The following PDGFRA variants were observed in gnomAD, a reference collection of about 807,000 sequenced individuals.
PDGFRA encodes the protein platelet-derived growth factor receptor alpha.
PDGFRA carries 25 observed loss-of-function variants against 121.5 expected under a neutral mutation model. That is an observed-to-expected ratio of 0.21 (90% CI 0.15 to 0.29). The LOEUF is 0.29. PDGFRA is among the 10% of genes least tolerant of loss of function. PDGFRA has a pLI of 1.00. For missense variants in PDGFRA, 1,008 were observed against 1,345.1 expected (o/e 0.75, Z 3.92); for synonymous variants, 463 against 494.8 (o/e 0.94, Z 0.85).
At chr4:54,249,845 T>A (rs73151406) in intron 1 of PDGFRA, among the ~76,000 whole-genome samples, 2,864 of 152,138 alleles carry the variant, frequency 0.019, 98 homozygotes, top group African/African-American at 0.066. Flanking sequence ...TATTATTATT[T>A]TTGTAAGTTA....
At chr4:54,278,129 A>T in intron 14 of PDGFRA, 123 bp downstream of exon 14, 2 of 756,696 alleles carry the variant, frequency 2.6e-6, no homozygotes, top group Non-Finnish European at 4.6e-6. Flanking sequence ...AGTCCCTTGA[A>T]TGGAGCTGAC....
In PDGFRA at chr4:54,290,456, T is replaced by C; in HGVS notation, c.3024T>C (p.Asp1008=). Residue 1008 remains aspartate (D), a synonymous_variant, in exon 22 of 23, where the codon GAT becomes GAC. Coordinates refer to ENST00000257290, the MANE Select transcript of PDGFRA (RefSeq NM_006206.6). ...DKLKDWEGGL[D]EQRLSADSGY... ...TGAAGGACTGGGAGGGTGGTCTGGA[T>C]GAGCAGAGACTGAGCGCTGACAGTG... The C allele has an allele frequency of 6.2e-7, 1 of 1,614,032 alleles. No individual in the cohort carries two copies. Among genetic ancestry groups the C allele is most frequent in the Non-Finnish European group, 8.5e-7 (1 of 1,179,898 alleles).
At chr4:54,287,081 T>TTTG (rs1724399532) in intron 18 of PDGFRA, among the ~76,000 whole-genome samples, 1 of 152,200 alleles carries the variant, frequency 6.6e-6, no homozygotes, top group Non-Finnish European at 1.5e-5. Flanking sequence ...GATCATTGGA[T>TTTG]CTGTTCTTAG....
At chr4:54,236,696 G>A (rs1426670049) in intron 1 of PDGFRA, among the ~76,000 whole-genome samples, 9 of 152,004 alleles carry the variant, frequency 5.9e-5, no homozygotes, top group Non-Finnish European at 1.0e-4. Context: ...CCAGCTACTC[G>A]GGAGGCTGAG....
intron 22 of PDGFRA, 83 bp downstream of exon 22, chr4:54,290,637 G>A (rs1724583441): frequency 1.4e-6 from 2 of 1,481,068 alleles, no homozygotes; most frequent in South Asian, 1.1e-5. Context: ...CCCGATAATG[G>A]TGCACTCCCG....
At chr4:54,278,958 A>G (rs1198657556) in intron 15 of PDGFRA, 2 of 429,326 alleles carry the variant, frequency 4.7e-6, no homozygotes, top group African/African-American at 2.0e-5. Flanking sequence ...AAGTGGCTAT[A>G]AAGAACTCTG....
At chr4:54,279,113 C>G in intron 15 of PDGFRA, 1 of 293,532 alleles carries the variant, frequency 3.4e-6, no homozygotes, top group Non-Finnish European at 7.0e-6. Flanking sequence ...AAGTTCCAAC[C>G]AAGGCTTGTG....
intron 14 of PDGFRA, 124 bp from the exon 15 acceptor site, chr4:54,278,238 A>G: frequency 1.5e-6 from 1 of 682,980 alleles, no homozygotes; most frequent in East Asian, 2.8e-5. Context: ...AAAAAAAAAA[A>G]AAAAAAAAAA....
intron 14 of PDGFRA, 55 bp from the exon 15 acceptor site, chr4:54,278,307 G>A (rs2110314135): frequency 1.4e-6 from 2 of 1,449,680 alleles, no homozygotes; most frequent in South Asian, 1.1e-5. Flanking sequence ...GACAATTCAT[G>A]GCTTTTCTGT....
chr4:54,287,166 A>T (rs991792567), intron 18 of PDGFRA, among the ~76,000 whole-genome samples: 1 of 152,204 alleles, frequency 6.6e-6, no homozygotes, highest in Non-Finnish European at 1.5e-5. Flanking sequence ...AAAATTCAGG[A>T]TTAATGTTTT....
chr4:54,269,389 C>T (rs902298742), intron 7 of PDGFRA, among the ~76,000 whole-genome samples: 3 of 152,008 alleles, frequency 2.0e-5, no homozygotes, highest in African/African-American at 2.4e-5. Flanking sequence ...TAATAATACC[C>T]GAGATCTTCT....
chr4:54,233,078 G>T (rs1720785162), intron 1 of PDGFRA, among the ~76,000 whole-genome samples: 1 of 111,134 alleles, frequency 9.0e-6, no homozygotes, highest in Non-Finnish European at 2.0e-5. Context: ...CTCCACACCC[G>T]CCCGGCCCCC....
chr4:54,240,650 G>T (rs940655440), intron 1 of PDGFRA, among the ~76,000 whole-genome samples: 5 of 152,038 alleles, frequency 3.3e-5, no homozygotes, highest in African/African-American at 1.2e-4. Flanking sequence ...AAAATAATTG[G>T]GCTCTCCCTA....
At chr4:54,264,793 C>T in intron 4 of PDGFRA, 126 bp from the exon 5 acceptor site, 1 of 860,140 alleles carries the variant, frequency 1.2e-6, no homozygotes, top group Non-Finnish European at 1.8e-6. Flanking sequence ...CAAATTTTAT[C>T]TTGATCAAAC....
intron 3 of PDGFRA, among the ~76,000 whole-genome samples, chr4:54,262,121 G>C (rs1335278035): frequency 1.3e-5 from 2 of 151,736 alleles, no homozygotes; most frequent in East Asian, 3.9e-4. Flanking sequence ...TTGAGACGGG[G>C]GTTTCACCAT....
intron 22 of PDGFRA, among the ~76,000 whole-genome samples, chr4:54,293,346 T>C (rs1313204451): frequency 6.6e-6 from 1 of 152,082 alleles, no homozygotes; most frequent in Non-Finnish European, 1.5e-5. Context: ...TGGTTCTGTG[T>C]GCTTCTGTCA....
At chr4:54,271,955 T>C (rs1723400106) in intron 8 of PDGFRA, among the ~76,000 whole-genome samples, 1 of 22,242 alleles carries the variant, frequency 4.5e-5, no homozygotes. Flanking sequence ...CTTCCTTCAT[T>C]CTCCCCTCCC....
At chr4:54,237,871 G>C (rs1721098585) in intron 1 of PDGFRA, among the ~76,000 whole-genome samples, 1 of 152,200 alleles carries the variant, frequency 6.6e-6, no homozygotes, top group African/African-American at 2.4e-5. Flanking sequence ...CTAAAACACT[G>C]ACCTTCCCTT....
intron 1 of PDGFRA, among the ~76,000 whole-genome samples, chr4:54,241,535 A>G (rs1721298589): frequency 6.6e-6 from 1 of 151,320 alleles, no homozygotes; most frequent in Admixed American, 6.6e-5. Context: ...TTATTTATTT[A>G]TTTATTTATT....
Sources: gnomAD v4.1 joint callset for allele counts (sites outside exome capture counted in the v4.1 genomes callset) on GRCh38, gnomAD v4.1.1 for gene constraint, MANE v1.5 for transcripts, NCBI Gene and HGNC (gene_info 2026-07-23, HGNC 2026-07-21) for gene names.